Variants in UBE3C observed in about 807,000 individuals in gnomAD.
UBE3C encodes ubiquitin-protein ligase E3C.
UBE3C carries 42 observed loss-of-function variants against 129.4 expected under a neutral mutation model. The observed-to-expected ratio is 0.32, with a 90% CI of 0.25 to 0.42. The LOEUF is 0.42. UBE3C is among the 10% of genes least tolerant of loss of function. The pLI is 1.00. For synonymous variants in UBE3C, 510 were observed against 492.4 expected, an observed-to-expected ratio of 1.04 and a Z score of -0.47; for missense variants, 1,049 against 1,319.1, an observed-to-expected ratio of 0.80 and a Z score of 3.17.
At chr7:157,160,306 C>G (rs963576513) in intron 1 of UBE3C, among the ~76,000 whole-genome samples, 8 of 152,162 alleles carry the variant, frequency 5.3e-5, no homozygotes, top group African/African-American at 1.9e-4. Flanking sequence ...AACTCCTGAC[C>G]TCAGGCGATC....
intron 10 of UBE3C, among the ~76,000 whole-genome samples, chr7:157,193,787 T>C (rs1809041249): frequency 6.6e-6 from 1 of 152,200 alleles, no homozygotes; most frequent in Non-Finnish European, 1.5e-5. Context: ...GACATCTTTT[T>C]TGAGATGATT....
chr7:157,261,318 A>G (rs1186244088), intron 22 of UBE3C, among the ~76,000 whole-genome samples: 11 of 106,802 alleles, frequency 1.0e-4, no homozygotes, highest in Non-Finnish European at 2.0e-4. Context: ...AAAAAAAAAA[A>G]AAAAAAAAAA....
Position 157,146,925 on chromosome 7 carries a change from A to G in UBE3C, c.66+7587A>G, listed in dbSNP as rs537129074. 2.6e-4 allele frequency among the ~76,000 whole-genome samples: 39 copies of G among 152,322 alleles called. No homozygotes were observed. In the East Asian group the frequency reaches 7.3e-3, roughly 29 times the overall value. On this transcript the variant is annotated intron_variant, in intron 1 of 22. Coordinates refer to ENST00000348165, the MANE Select transcript of UBE3C (RefSeq NM_014671.3). ...CTCAGCCTCCCAAAGTGCTGGGGTT[A>G]CGGGAGTGAGACACCGCGCCCAACC... is the stretch of plus-strand genomic sequence containing the variant.
At chr7:157,201,588 G>A (rs1809283275) in intron 10 of UBE3C, 133 bp from the exon 11 acceptor site, 1 of 576,662 alleles carries the variant, frequency 1.7e-6, no homozygotes, top group African/African-American at 2.1e-5. Flanking sequence ...GCTTTTTGTG[G>A]TATTAGTACA....
chr7:157,228,634 A>T (rs1429308921), intron 17 of UBE3C, among the ~76,000 whole-genome samples: 1 of 152,234 alleles, frequency 6.6e-6, no homozygotes, highest in South Asian at 2.1e-4. Context: ...AGATGTGTTT[A>T]CCTGATTCCC....
chr7:157,192,748 G>A (rs1809006488), intron 10 of UBE3C: 5 of 1,031,144 alleles, frequency 4.8e-6, no homozygotes, highest in Non-Finnish European at 7.6e-6. Flanking sequence ...TGTGGTGCTG[G>A]AGTGTTTATG....
intron 22 of UBE3C, among the ~76,000 whole-genome samples, chr7:157,260,763 G>A (rs1041212990): frequency 2.6e-5 from 4 of 152,152 alleles, no homozygotes; most frequent in African/African-American, 9.7e-5. Flanking sequence ...AGAGACTTTT[G>A]TCAGCTCCTG....
intron 3 of UBE3C, among the ~76,000 whole-genome samples, 171 bp downstream of exon 3, chr7:157,169,293 A>G (rs1808300914): frequency 6.6e-6 from 1 of 152,110 alleles, no homozygotes; most frequent in South Asian, 2.1e-4. Context: ...GTGAGTTTTT[A>G]GGTAATTTTT....
chr7:157,180,530 G>A (rs1455549758), intron 6 of UBE3C, among the ~76,000 whole-genome samples: 3 of 152,114 alleles, frequency 2.0e-5, no homozygotes, highest in Non-Finnish European at 4.4e-5. Context: ...AGCTGTGTAG[G>A]ACTGTTTCAA....
At position 157,167,142 on chromosome 7, in the gene UBE3C, G is replaced by C. The variant is rs958590864; in HGVS notation, c.121-1906G>C. 9.2e-5 allele frequency among the ~76,000 whole-genome samples: 14 copies of C among 152,206 alleles called. 1 individual carries two copies. The South Asian group carries it at 2.9e-3, about 32-fold the overall frequency. Reference sequence around the variant, plus strand: ...GATGGAGTTTCACCATGTTGGCCAGGCTGGTCTGGGACTCCTGACCTCAAG... The same window carrying C: ...GATGGAGTTTCACCATGTTGGCCAGCCTGGTCTGGGACTCCTGACCTCAAG... On this transcript the variant is annotated intron_variant, in intron 2 of 22. Coordinates refer to ENST00000348165, the MANE Select transcript of UBE3C (RefSeq NM_014671.3).
At chr7:157,265,056 T>C (rs945488252) in intron 22 of UBE3C, among the ~76,000 whole-genome samples, 1 of 152,266 alleles carries the variant, frequency 6.6e-6, no homozygotes, top group Non-Finnish European at 1.5e-5. Flanking sequence ...TTTACAGCTC[T>C]TCCTTCGTTG....
At chr7:157,253,918 T>C in intron 19 of UBE3C, 36 bp from the exon 20 acceptor site, 2 of 1,536,916 alleles carry the variant, frequency 1.3e-6, no homozygotes, top group Non-Finnish European at 8.8e-7. Flanking sequence ...TATCATACTT[T>C]GAGGATTTTG....
chr7:157,196,094 A>G (rs950662378), intron 10 of UBE3C, among the ~76,000 whole-genome samples: 3 of 147,810 alleles, frequency 2.0e-5, no homozygotes, highest in Non-Finnish European at 4.6e-5. Flanking sequence ...GGTGTCAGAG[A>G]GATGTGGTAA....
At chr7:157,217,800 G>A (rs562475582) in intron 14 of UBE3C, among the ~76,000 whole-genome samples, 3 of 152,240 alleles carry the variant, frequency 2.0e-5, no homozygotes, top group East Asian at 1.9e-4. Context: ...CTGTGCCATT[G>A]CACTCCAGCC....
chr7:157,207,615 A>G, intron 12 of UBE3C, 60 bp downstream of exon 12: 3 of 1,588,276 alleles, frequency 1.9e-6, no homozygotes, highest in Non-Finnish European at 2.6e-6. Context: ...TTTCATAGAC[A>G]GTAGAAAAGT....
At chr7:157,159,587 G>A (rs1439399142) in intron 1 of UBE3C, among the ~76,000 whole-genome samples, 1 of 152,224 alleles carries the variant, frequency 6.6e-6, no homozygotes, top group East Asian at 1.9e-4. Context: ...ACCATTTGCA[G>A]CTGGGTGCGA....
chr7:157,258,075 G>A (rs1039527956), intron 22 of UBE3C, among the ~76,000 whole-genome samples: 7 of 151,222 alleles, frequency 4.6e-5, no homozygotes. Flanking sequence ...AGCCTCCCAA[G>A]TAGCTGTGAC....
At chr7:157,150,522 T>C (rs757767681) in intron 1 of UBE3C, among the ~76,000 whole-genome samples, 1 of 152,232 alleles carries the variant, frequency 6.6e-6, no homozygotes, top group Non-Finnish European at 1.5e-5. Flanking sequence ...GCATTACTTA[T>C]AATACTGAAA....
At chr7:157,258,769 T>C (rs73176446) in intron 22 of UBE3C, among the ~76,000 whole-genome samples, 1 of 152,324 alleles carries the variant, frequency 6.6e-6, no homozygotes, top group Non-Finnish European at 1.5e-5. Flanking sequence ...CCCCCAAGTA[T>C]TTTTTTATAT....
Sources: allele counts gnomAD v4.1 joint callset (sites outside exome capture counted in the v4.1 genomes callset), GRCh38; gene constraint gnomAD v4.1.1; transcripts MANE v1.5; gene names NCBI Gene and HGNC (gene_info 2026-07-23, HGNC 2026-07-21).